Variants in ST18 observed in about 807,000 individuals in gnomAD.
ST18 encodes the protein ST18 C2H2C-type zinc finger transcription factor, also known as suppression of tumorigenicity 18 protein.
In ST18, 50 loss-of-function variants were observed where a neutral mutation model predicts 110.0. The observed-to-expected ratio is 0.45, with a 90% CI of 0.36 to 0.58. The LOEUF (loss-of-function observed/expected upper bound fraction) is 0.58. Ranked by LOEUF, ST18 falls within the 20% of genes least tolerant of loss-of-function variation. The pLI is 0.00. For missense variants in ST18, 1,306 were observed against 1,280.1 expected (o/e 1.02, Z -0.31); for synonymous variants, 461 against 452.4 (o/e 1.02, Z -0.24).
At chr8:52,336,690 G>A (rs1027682325) in intron 2 of ST18, among the ~76,000 whole-genome samples, 3 of 152,288 alleles carry the variant, frequency 2.0e-5, no homozygotes, top group East Asian at 1.9e-4. Flanking sequence ...ACCTAGTGAC[G>A]TCTTGCTTCC....
intron 22 of ST18, among the ~76,000 whole-genome samples, chr8:52,131,527 A>G (rs1375869379): frequency 1.3e-5 from 2 of 152,208 alleles, no homozygotes; most frequent in African/African-American, 4.8e-5. Flanking sequence ...TCCCAGTAGC[A>G]AAATAACTAC....
chr8:52,181,413 C>T (rs1164309986), intron 8 of ST18, among the ~76,000 whole-genome samples: 4 of 152,104 alleles, frequency 2.6e-5, no homozygotes, highest in Non-Finnish European at 4.4e-5. Flanking sequence ...GAACTCTTGG[C>T]TTTAGAAGAG....
Position 52,363,085 on chromosome 8 carries a change from G to A in ST18, c.-465+46243C>T, listed in dbSNP as rs186770207. ...AAATTAGCCGGGCATGGTGGCGGGT[G>A]CCTGTAGTCACAGCTACTTGGGAGG... On this transcript the variant is annotated intron_variant, in intron 2 of 25. Transcript: ENST00000689386. 1.5e-4 allele frequency among the ~76,000 whole-genome samples: 23 copies of A among 152,308 alleles called. No homozygotes were observed. In the East Asian group the frequency reaches 4.4e-3, roughly 29 times the overall value.
chr8:52,121,133 G>T (rs1431075713), intron 23 of ST18, among the ~76,000 whole-genome samples: 1 of 152,126 alleles, frequency 6.6e-6, no homozygotes, highest in Non-Finnish European at 1.5e-5. Context: ...CTTGGTTCTG[G>T]GATTTCGTTA....
At chr8:52,322,913 C>T (rs187389324) in intron 2 of ST18, among the ~76,000 whole-genome samples, 14 of 152,242 alleles carry the variant, frequency 9.2e-5, no homozygotes, top group Admixed American at 6.5e-4. Flanking sequence ...ATATTGCATC[C>T]ACTATCACCA....
At chr8:52,311,774 T>C (rs1395145295) in intron 2 of ST18, among the ~76,000 whole-genome samples, 2 of 152,090 alleles carry the variant, frequency 1.3e-5, no homozygotes, top group Non-Finnish European at 2.9e-5. Context: ...ATGGGGGAAA[T>C]GCCCCCATGA....
At chr8:52,329,448 C>A (rs1289231872) in intron 2 of ST18, among the ~76,000 whole-genome samples, 1 of 152,072 alleles carries the variant, frequency 6.6e-6, no homozygotes, top group South Asian at 2.1e-4. Flanking sequence ...TTTGTGAAAT[C>A]CTGAAGTCTC....
intron 20 of ST18, 23 bp from the exon 21 acceptor site, chr8:52,133,160 A>G: frequency 1.2e-6 from 2 of 1,614,228 alleles, no homozygotes; most frequent in Non-Finnish European, 1.7e-6. Flanking sequence ...CCCGACAAAG[A>G]ACAAAGCAAA....
At chr8:52,257,507 T>A (rs2094562311) in intron 2 of ST18, among the ~76,000 whole-genome samples, 1 of 152,202 alleles carries the variant, frequency 6.6e-6, no homozygotes, top group East Asian at 1.9e-4. Context: ...TGCACTGTGG[T>A]TTTGATTAGC....
At chr8:52,309,582 A>AT (rs111888927) in intron 2 of ST18, among the ~76,000 whole-genome samples, 49 of 147,144 alleles carry the variant, frequency 3.3e-4, no homozygotes, top group East Asian at 2.8e-3. Flanking sequence ...AAATATGAGT[A>AT]TTTTTTTTTA....
At chr8:52,349,620 A>G (rs1245323278) in intron 2 of ST18, among the ~76,000 whole-genome samples, 1 of 152,246 alleles carries the variant, frequency 6.6e-6, no homozygotes, top group East Asian at 1.9e-4. Context: ...GTGTGAGAAT[A>G]CTGAGTGGAA....
At chr8:52,394,463 A>T (rs950577133) in intron 2 of ST18, among the ~76,000 whole-genome samples, 1 of 152,188 alleles carries the variant, frequency 6.6e-6, no homozygotes, top group Non-Finnish European at 1.5e-5. Context: ...CTTGTCCCCA[A>T]AAGTGCATCC....
intron 23 of ST18, 60 bp from the exon 24 acceptor site, chr8:52,118,501 A>G (rs2043387039): frequency 2.0e-6 from 2 of 982,832 alleles, no homozygotes; most frequent in East Asian, 2.7e-5. Context: ...GAGTCATTAT[A>G]TGTTTAATTT....
At position 52,322,674 on chromosome 8, in the gene ST18, C is replaced by T. The variant is rs991422848; in HGVS notation, c.-465+86654G>A. Among the ~76,000 whole-genome samples the T allele has an allele frequency of 3.9e-5, 6 of 152,168 alleles. No individual in the cohort carries two copies. In the South Asian group the frequency reaches 6.2e-4, roughly 16 times the overall value. The stretch of plus-strand genomic sequence containing the variant: ...CATGAAGCTGTGTCTTGCTCCTTCA[C>T]GTGAAGGCATTTCTTTCCAGTAGAG... On this transcript the variant is annotated intron_variant, in intron 2 of 25. Transcript: ENST00000689386.
At chr8:52,209,510 G>C (rs921315942) in intron 8 of ST18, among the ~76,000 whole-genome samples, 2 of 151,898 alleles carry the variant, frequency 1.3e-5, no homozygotes, top group African/African-American at 4.8e-5. Flanking sequence ...AGTGGCTCAC[G>C]CCTGTAATCC....
chr8:52,212,976 A>G (rs1166620111), intron 7 of ST18, among the ~76,000 whole-genome samples: 1 of 152,214 alleles, frequency 6.6e-6, no homozygotes, highest in African/African-American at 2.4e-5. Context: ...TGGCAGGCAT[A>G]AGCTTATTCC....
intron 7 of ST18, 139 bp downstream of exon 7, chr8:52,214,064 A>G (rs2083198920): frequency 2.3e-6 from 2 of 859,560 alleles, no homozygotes; most frequent in Non-Finnish European, 1.8e-6. Flanking sequence ...GCCAAGAGCC[A>G]GTGTCCTGGC....
At chr8:52,342,669 T>G (rs6473711) in intron 2 of ST18, among the ~76,000 whole-genome samples, 150,393 of 152,248 alleles carry the variant, frequency 0.99, 74,302 homozygotes, top group Middle Eastern at 1. Flanking sequence ...CTGGGGTGGT[T>G]CCTGAGACTC....
intron 2 of ST18, among the ~76,000 whole-genome samples, chr8:52,286,825 A>C (rs2095478639): frequency 6.6e-6 from 1 of 151,152 alleles, no homozygotes. Context: ...CATCACCTGG[A>C]AACTTGTTAG....
Sources: gnomAD v4.1 joint callset for allele counts (sites outside exome capture counted in the v4.1 genomes callset) on GRCh38, gnomAD v4.1.1 for gene constraint, MANE v1.5 for transcripts, NCBI Gene and HGNC (gene_info 2026-07-23, HGNC 2026-07-21) for gene names.